Variants in TTC27 observed in about 807,000 individuals in gnomAD.
The protein encoded by TTC27 is tetratricopeptide repeat protein 27.
In TTC27, 79 loss-of-function variants were observed where a neutral mutation model predicts 115.9. That is an observed-to-expected ratio of 0.68 (90% CI 0.57 to 0.82). The LOEUF is 0.82. Ranked by LOEUF, TTC27 falls within the 40% of genes least tolerant of loss-of-function variation. The pLI, the probability that TTC27 is intolerant of heterozygous loss-of-function variation, is 0.00. For missense variants in TTC27, 1,054 were observed against 993.1 expected, an observed-to-expected ratio of 1.06 and a Z score of -0.82; for synonymous variants, 401 against 356.0, an observed-to-expected ratio of 1.13 and a Z score of -1.42.
At chr2:32,635,528 A>G (rs1450244420) in intron 3 of TTC27, among the ~76,000 whole-genome samples, 1 of 152,098 alleles carries the variant, frequency 6.6e-6, no homozygotes, top group Non-Finnish European at 1.5e-5. Context: ...TACTAAAAAT[A>G]CAAAAATTAG....
intron 12 of TTC27, among the ~76,000 whole-genome samples, chr2:32,756,720 G>A (rs1037430381): frequency 6.6e-6 from 1 of 152,212 alleles, no homozygotes; most frequent in Non-Finnish European, 1.5e-5. Context: ...TCTCATTTTA[G>A]CTGCTAAAGG....
At chr2:32,682,102 G>A (rs1024428088) in intron 9 of TTC27, among the ~76,000 whole-genome samples, 2 of 150,696 alleles carry the variant, frequency 1.3e-5, no homozygotes, top group African/African-American at 4.9e-5. Flanking sequence ...CTCTACAAGG[G>A]TTGTGACAGT....
intron 12 of TTC27, among the ~76,000 whole-genome samples, chr2:32,753,605 G>A (rs867166670): frequency 2.2e-4 from 33 of 151,506 alleles, no homozygotes; most frequent in African/African-American, 6.1e-4. Flanking sequence ...ATGTGCCACC[G>A]CGCCCATATT....
chr2:32,811,119 T>C lies in TTC27; in HGVS notation c.2094T>C (p.Phe698=). 1.2e-6 allele frequency: 2 copies of C among 1,614,204 alleles called. No individual in the cohort carries two copies. Among genetic ancestry groups the C allele is most frequent in the Non-Finnish European group, 8.5e-7 (1 of 1,180,030 alleles). The part of the protein sequence containing the change: ...TGLKGKLQEL[F]GRVTSRVTND... Reference sequence around the variant, plus strand: ...TCAAAGGAAAGCTGCAGGAGTTATTTGGCAGAGTGACTTCAAGAGTGACAA... The same window carrying C: ...TCAAAGGAAAGCTGCAGGAGTTATTCGGCAGAGTGACTTCAAGAGTGACAA... Residue 698 remains phenylalanine, a synonymous_variant, in exon 17 of 20, where the codon TTT becomes TTC. Coordinates refer to ENST00000317907, the MANE Select transcript of TTC27 (RefSeq NM_017735.5).
rs1436961044 is a variant in TTC27, at chr2:32,772,252, T to G, written c.1681-5630T>G. Among the ~76,000 whole-genome samples, 3 of 152,198 alleles carry G rather than the reference T, an allele frequency of 2.0e-5. No individual in the cohort carries two copies. In the East Asian group the frequency reaches 5.8e-4, roughly 29 times the overall value. ...GTCTTCAGCACACATATTTCACACT[T>G]GGGTTGAGGAACCATTGTGTGGCTT... On this transcript the variant is annotated intron_variant, in intron 13 of 19. Transcript: ENST00000317907.
intron 5 of TTC27, among the ~76,000 whole-genome samples, chr2:32,658,855 A>G (rs545450865): frequency 6.6e-6 from 1 of 152,290 alleles, no homozygotes; most frequent in East Asian, 1.9e-4. Context: ...CATTCTTTTC[A>G]TCTTAGATAT....
In TTC27 at chr2:32,736,810, C is replaced by T. The variant is rs200755624; in HGVS notation, c.1446C>T (p.His482=). ...TTTGTTATGAAAGAGCCGGGCAGCA[C>T]GGAAAGGTATGTAATAGTCCAATTT... ...VVICYERAGQ[H]GKAEEILRQE... is the part of the protein sequence containing the mutation. Residue 482 remains histidine, a synonymous_variant, in exon 12 of 20, where the codon CAC becomes CAT. Transcript: ENST00000317907. 17 of 1,613,570 alleles carry T rather than the reference C, an allele frequency of 1.1e-5. No individual in the cohort carries two copies. Among genetic ancestry groups the T allele is most frequent in the South Asian group, 2.2e-5 (2 of 91,050 alleles).
chr2:32,800,579 C>G (rs1286460773), intron 16 of TTC27, among the ~76,000 whole-genome samples: 1 of 152,116 alleles, frequency 6.6e-6, no homozygotes, highest in African/African-American at 2.4e-5. Flanking sequence ...CTCTCTGCAA[C>G]CTTCGCCACC....
intron 3 of TTC27, among the ~76,000 whole-genome samples, chr2:32,638,757 G>T (rs1664522573): frequency 6.6e-6 from 1 of 152,096 alleles, no homozygotes; most frequent in South Asian, 2.1e-4. Flanking sequence ...AAAATACTCA[G>T]TATTGAGCCA....
At chr2:32,737,632 T>A (rs79401567) in intron 12 of TTC27, among the ~76,000 whole-genome samples, 2,040 of 152,254 alleles carry the variant, frequency 0.013, 35 homozygotes, top group African/African-American at 0.047. Context: ...TTTCTTTCAC[T>A]AATCAGTTAA....
Position 32,820,796 on chromosome 2 carries a change from C to A in TTC27, c.2410-20C>A. On this transcript the variant is annotated intron_variant, in intron 19 of 19. Coordinates refer to ENST00000317907, the MANE Select transcript of TTC27 (RefSeq NM_017735.5). ...AATTTGTGTTGTTTTAATACTTCTGCTTTGTTTTTTATATTACAGCAACTT... is the reference window on the plus strand; with the variant it reads ...AATTTGTGTTGTTTTAATACTTCTGATTTGTTTTTTATATTACAGCAACTT... The A allele has an allele frequency of 6.6e-7, 1 of 1,513,224 alleles. No homozygotes were observed. The highest frequency in any genetic ancestry group is 8.9e-7 in the Non-Finnish European group (1 of 1,125,424). The allele number at this position is 1,513,224 out of a possible 1,614,324, so 93.7% of individuals were successfully genotyped here. A position where few individuals can be genotyped will look rare whatever the true frequency, so the allele number is the denominator to read the frequency against.
chr2:32,645,208 G>C (rs1664809452), intron 4 of TTC27, among the ~76,000 whole-genome samples: 1 of 152,140 alleles, frequency 6.6e-6, no homozygotes, highest in Non-Finnish European at 1.5e-5. Context: ...CCCCTAATCT[G>C]TGAAGTATAT....
intron 9 of TTC27, among the ~76,000 whole-genome samples, chr2:32,700,787 G>A (rs139197796): frequency 1.1e-3 from 174 of 152,240 alleles, no homozygotes; most frequent in African/African-American, 3.9e-3. Context: ...TGATCCACCC[G>A]CGTCAGCCTC....
Position 32,737,219 on chromosome 2 carries a change from G to A in TTC27, c.1452+403G>A, listed in dbSNP as rs1201032287. Among the ~76,000 whole-genome samples, 4 of 152,244 alleles carry A rather than the reference G, an allele frequency of 2.6e-5. 1 individual carries two copies. The highest frequency in any genetic ancestry group is 4.1e-4 in the South Asian group (2 of 4,830). ...TAAAAGAAAATCCAAAGGGTGTGAC[G>A]ACACCTCTTGAGGCAGAAGAGTTGT... is the stretch of plus-strand genomic sequence containing the variant. On this transcript the variant is annotated intron_variant, in intron 12 of 19. Coordinates refer to ENST00000317907, the MANE Select transcript of TTC27 (RefSeq NM_017735.5).
In TTC27 at chr2:32,653,617, A is replaced by C. The variant is rs558909082; in HGVS notation, c.640+3384A>C. Among the ~76,000 whole-genome samples, 26 of 151,802 alleles carry C rather than the reference A, an allele frequency of 1.7e-4. 1 individual carries two copies. Among genetic ancestry groups the C allele is most frequent in the East Asian group, 7.8e-4 (4 of 5,158 alleles). On this transcript the variant is annotated intron_variant, in intron 5 of 19. Transcript: ENST00000317907. ...TCAAAAAAAAAAAAACAAAAAAAAA[A>C]CAGTCTTTTGGTGACTGATGCATAC... is the stretch of plus-strand genomic sequence containing the variant.
intron 18 of TTC27, among the ~76,000 whole-genome samples, chr2:32,815,892 CCTCATTATTA>C (rs1478127807): frequency 6.6e-6 from 1 of 152,152 alleles, no homozygotes; most frequent in African/African-American, 2.4e-5. Context: ...AATTATTATT[CCTCATTATTA>C]CTCTAAGATA....
intron 9 of TTC27, among the ~76,000 whole-genome samples, chr2:32,694,301 A>T (rs906362861): frequency 1.3e-5 from 2 of 152,254 alleles, no homozygotes; most frequent in African/African-American, 4.8e-5. Flanking sequence ...ATAATTAACT[A>T]TACAGAAACA....
In TTC27 at chr2:32,700,377, A is replaced by G. The variant is rs114510385; in HGVS notation, c.1120-2430A>G. 7.1e-3 allele frequency among the ~76,000 whole-genome samples: 1,080 copies of G among 152,178 alleles called. 7 individuals carry two copies. The highest frequency in any genetic ancestry group is 0.011 in the Non-Finnish European group (741 of 67,998). On this transcript the variant is annotated intron_variant, in intron 9 of 19. Transcript: ENST00000317907. ...CTCTGCAGACTTTTCCCACTGTTTT[A>G]CAGAGCCTTTTCCTCAGTACTCTTC...
At chr2:32,634,548 C>G (rs566651733) in intron 3 of TTC27, among the ~76,000 whole-genome samples, 2 of 151,742 alleles carry the variant, frequency 1.3e-5, no homozygotes, top group Non-Finnish European at 2.9e-5. Flanking sequence ...CTCAGCCTCC[C>G]AAAGTGCTAG....
Sources: gnomAD v4.1 joint callset for allele counts (sites outside exome capture counted in the v4.1 genomes callset) on GRCh38, gnomAD v4.1.1 for gene constraint, MANE v1.5 for transcripts, NCBI Gene and HGNC (gene_info 2026-07-23, HGNC 2026-07-21) for gene names.